The following SYN3 variants were observed in gnomAD, a reference collection of about 807,000 sequenced individuals.
The protein encoded by SYN3 is synapsin III, also known as synapsin-3.
Under a neutral mutation model 65.8 loss-of-function variants are expected in SYN3, and 35 were observed. The observed-to-expected ratio is 0.53, with a 90% confidence interval of 0.41 to 0.70. SYN3 has a LOEUF of 0.70. Ranked by LOEUF, SYN3 falls within the 30% of genes least tolerant of loss-of-function variation. SYN3 has a pLI of 0.00. For missense variants in SYN3, 680 were observed against 749.0 expected (o/e 0.91, Z 1.08); for synonymous variants, 270 against 292.9 (o/e 0.92, Z 0.80).
At chr22:32,518,394 G>A (rs1371387672) in intron 12 of SYN3, 60 bp from the exon 13 acceptor site, 13 of 1,585,584 alleles carry the variant, frequency 8.2e-6, no homozygotes, top group Non-Finnish European at 1.1e-5. Flanking sequence ...AGATATGGCT[G>A]TACACAAATA....
intron 4 of SYN3, among the ~76,000 whole-genome samples, chr22:32,893,484 A>C (rs2049506781): frequency 6.6e-6 from 1 of 152,230 alleles, no homozygotes; most frequent in Admixed American, 6.5e-5. Flanking sequence ...TGTCTCCTGC[A>C]GGAGTCAACC....
intron 3 of SYN3, among the ~76,000 whole-genome samples, chr22:32,958,637 T>A (rs1025864803): frequency 2.6e-5 from 4 of 152,224 alleles, no homozygotes; most frequent in African/African-American, 9.6e-5. Context: ...CAGGCACTAG[T>A]CTAAGGGCTT....
intron 1 of SYN3, among the ~76,000 whole-genome samples, chr22:33,014,819 G>A (rs2053430422): frequency 1.3e-5 from 2 of 152,182 alleles, no homozygotes; most frequent in African/African-American, 2.4e-5. Context: ...AAGAGTCGTA[G>A]AAGCGGTCGA....
intron 6 of SYN3, among the ~76,000 whole-genome samples, chr22:32,678,521 G>A (rs1043950342): frequency 2.0e-5 from 3 of 152,000 alleles, no homozygotes; most frequent in South Asian, 2.1e-4. Context: ...CATCCTTGTC[G>A]TTGAAAGACC....
intron 6 of SYN3, among the ~76,000 whole-genome samples, chr22:32,597,167 T>C (rs1437717397): frequency 2.0e-5 from 3 of 150,622 alleles, no homozygotes; most frequent in African/African-American, 7.3e-5. Context: ...AATGGAAGCT[T>C]AATTATTCCT....
chr22:32,692,177 C>CAAAAAAAAAAAAAAAAAAAAG (rs2060673135), intron 6 of SYN3, among the ~76,000 whole-genome samples: 2 of 65,970 alleles, frequency 3.0e-5, no homozygotes, highest in African/African-American at 8.8e-5. Flanking sequence ...AAAAAAAAAA[C>CAAAAAAAAAAAAAAAAAAAAG]AGGACGGTCT....
At chr22:32,943,278 T>G (rs1174945304) in intron 3 of SYN3, among the ~76,000 whole-genome samples, 1 of 152,064 alleles carries the variant, frequency 6.6e-6, no homozygotes, top group Non-Finnish European at 1.5e-5. Flanking sequence ...CAGAAGAGAG[T>G]GAGGGCCAAT....
intron 4 of SYN3, among the ~76,000 whole-genome samples, chr22:32,898,184 C>T (rs571665582): frequency 1.6e-4 from 25 of 152,202 alleles, no homozygotes; most frequent in African/African-American, 4.6e-4. Context: ...TTAGTAGAGA[C>T]GGAGTTTCAC....
At chr22:32,559,457 TCAGG>T (rs2058551960) in intron 7 of SYN3, among the ~76,000 whole-genome samples, 3 of 152,210 alleles carry the variant, frequency 2.0e-5, no homozygotes, top group Admixed American at 2.0e-4. Flanking sequence ...CAGGTGATGG[TCAGG>T]CAGTTTTTAA....
At chr22:32,851,378 T>C (rs116357066) in intron 6 of SYN3, among the ~76,000 whole-genome samples, 1,965 of 152,196 alleles carry the variant, frequency 0.013, 36 homozygotes, top group African/African-American at 0.045. Flanking sequence ...CCAGAGGCCC[T>C]TCCTGTGGAC....
At chr22:32,655,780 T>C (rs2060134278) in intron 6 of SYN3, among the ~76,000 whole-genome samples, 1 of 152,192 alleles carries the variant, frequency 6.6e-6, no homozygotes, top group Non-Finnish European at 1.5e-5. Flanking sequence ...TTTCATTGCA[T>C]ATTGTGATGT....
At position 33,017,056 on chromosome 22, in the gene SYN3, C is replaced by A. The variant is rs2053478780; in HGVS notation, c.-162-10232G>T. Among the ~76,000 whole-genome samples the A allele has an allele frequency of 2.0e-5, 3 of 152,058 alleles. No homozygotes were observed. In the South Asian group the frequency reaches 6.2e-4, roughly 32 times the overall value. On this transcript the variant is annotated intron_variant, in intron 1 of 13. Transcript: ENST00000358763. Reference sequence around the variant, plus strand: ...ATAGTTTCAGGTCTTATATTTAAGTCTTTAATCTATTTTGAGGTGTTTTTT... The same window carrying A: ...ATAGTTTCAGGTCTTATATTTAAGTATTTAATCTATTTTGAGGTGTTTTTT...
At chr22:32,559,832 C>CAAAAAAAA (rs35916830) in intron 7 of SYN3, among the ~76,000 whole-genome samples, 2 of 96,048 alleles carry the variant, frequency 2.1e-5, no homozygotes, top group Admixed American at 9.9e-5. Context: ...TCCGTCTCAA[C>CAAAAAAAA]AAAAAAAAAA....
intron 2 of SYN3, among the ~76,000 whole-genome samples, chr22:32,988,801 C>T (rs560459769): frequency 1.4e-4 from 22 of 152,118 alleles, no homozygotes; most frequent in East Asian, 9.7e-4. Context: ...CAAAAGGACA[C>T]GGGCAAGGGC....
intron 2 of SYN3, among the ~76,000 whole-genome samples, chr22:32,989,826 C>T (rs1239170930): frequency 8.2e-6 from 1 of 122,598 alleles, no homozygotes. Flanking sequence ...CAGAGTGAGA[C>T]TCCATCTTCA....
In SYN3 at chr22:32,551,521, G is replaced by C. The variant is rs546850245; in HGVS notation, c.775-9808C>G. Among the ~76,000 whole-genome samples, 5 of 101,708 alleles carry C rather than the reference G, an allele frequency of 4.9e-5. No homozygotes were observed. The Admixed American group carries it at 5.0e-4, about 10-fold the overall frequency. 66.7% of individuals were successfully genotyped at this position (101,708 alleles called of 152,430 possible). On this transcript the variant is annotated intron_variant, in intron 7 of 13. Transcript: ENST00000358763. ...GGCCTCCCCCCACCAACAAATAAATGACAAGGAAAAAAAAAAAACAGAGGA... is the reference window on the plus strand; with the variant it reads ...GGCCTCCCCCCACCAACAAATAAATCACAAGGAAAAAAAAAAAACAGAGGA...
intron 7 of SYN3, among the ~76,000 whole-genome samples, chr22:32,547,334 C>T (rs2058350138): frequency 6.6e-6 from 1 of 152,048 alleles, no homozygotes; most frequent in South Asian, 2.1e-4. Context: ...GCACCTCTTT[C>T]CTCCTTGATT....
chr22:32,623,448 G>A (rs1280770351), intron 6 of SYN3, among the ~76,000 whole-genome samples: 4 of 152,054 alleles, frequency 2.6e-5, no homozygotes, highest in African/African-American at 7.2e-5. Flanking sequence ...CTCCCATCTC[G>A]GCCTCCCAAA....
intron 6 of SYN3, among the ~76,000 whole-genome samples, chr22:32,716,693 G>T (rs1359366334): frequency 7.2e-6 from 1 of 138,526 alleles, no homozygotes; most frequent in African/African-American, 2.6e-5. Context: ...ACCATACCCG[G>T]CTAATTTTTT....
Sources: allele counts gnomAD v4.1 joint callset (sites outside exome capture counted in the v4.1 genomes callset), GRCh38; gene constraint gnomAD v4.1.1; transcripts MANE v1.5; gene names NCBI Gene and HGNC (gene_info 2026-07-23, HGNC 2026-07-21).